Variants in DCC observed in about 807,000 individuals in gnomAD.
The protein encoded by DCC is DCC netrin 1 receptor, also known as netrin receptor DCC.
In DCC, 58 loss-of-function variants were observed where a neutral mutation model predicts 172.5. The observed-to-expected ratio is 0.34, with a 90% CI of 0.27 to 0.42. The LOEUF (loss-of-function observed/expected upper bound fraction) is 0.42. Among genes scored for constraint, DCC ranks in the 10% least tolerant of loss-of-function variants. The pLI is 1.00. For missense variants in DCC, 1,740 were observed against 1,791.0 expected, an observed-to-expected ratio of 0.97 and a Z score of 0.51; for synonymous variants, 709 against 644.5, an observed-to-expected ratio of 1.10 and a Z score of -1.52.
At chr18:52,989,895 T>A (rs929837673) in intron 5 of DCC, among the ~76,000 whole-genome samples, 3 of 152,176 alleles carry the variant, frequency 2.0e-5, no homozygotes, top group African/African-American at 7.2e-5. Context: ...AGTACCCACA[T>A]GTCCACTCAC....
intron 27 of DCC, among the ~76,000 whole-genome samples, chr18:53,512,433 C>T (rs1184984260): frequency 1.3e-5 from 2 of 151,656 alleles, no homozygotes; most frequent in East Asian, 3.9e-4. Flanking sequence ...CGCAGTTCCT[C>T]ACCAGCAACG....
chr18:52,611,071 A>G (rs181588833), intron 1 of DCC, among the ~76,000 whole-genome samples: 160 of 152,236 alleles, frequency 1.1e-3, no homozygotes, highest in African/African-American at 3.4e-3. Context: ...AGGTATGTTT[A>G]ATCAGTTATG....
intron 28 of DCC, among the ~76,000 whole-genome samples, chr18:53,527,427 C>A (rs1371994154): frequency 6.6e-6 from 1 of 151,390 alleles, no homozygotes; most frequent in Non-Finnish European, 1.5e-5. Context: ...TGACAAAAAG[C>A]TATATTATGA....
intron 2 of DCC, among the ~76,000 whole-genome samples, chr18:52,905,481 T>C (rs2039868031): frequency 6.6e-6 from 1 of 152,192 alleles, no homozygotes; most frequent in Non-Finnish European, 1.5e-5. Flanking sequence ...GATGAACATT[T>C]ACCTTAAGCA....
At chr18:52,889,360 G>C (rs949893023) in intron 2 of DCC, among the ~76,000 whole-genome samples, 3 of 152,078 alleles carry the variant, frequency 2.0e-5, no homozygotes, top group African/African-American at 7.2e-5. Context: ...ACAGAAAGAA[G>C]TAACGAATGA....
At chr18:53,146,005 G>T (rs554590669) in intron 7 of DCC, among the ~76,000 whole-genome samples, 1 of 152,132 alleles carries the variant, frequency 6.6e-6, no homozygotes, top group African/African-American at 2.4e-5. Flanking sequence ...AGGCTGAGAT[G>T]GGTGGGTCAC....
intron 1 of DCC, among the ~76,000 whole-genome samples, chr18:52,572,749 G>A (rs1374922167): frequency 6.6e-6 from 1 of 152,166 alleles, no homozygotes; most frequent in Admixed American, 6.5e-5. Flanking sequence ...GGAAGAACAG[G>A]CTCTCTTCCT....
intron 13 of DCC, among the ~76,000 whole-genome samples, chr18:53,308,647 A>G (rs1028934340): frequency 3.3e-5 from 5 of 152,176 alleles, no homozygotes; most frequent in African/African-American, 9.7e-5. Flanking sequence ...AAGTTAACAC[A>G]TTCAGTTAGT....
At chr18:52,882,508 A>G (rs184427696) in intron 2 of DCC, among the ~76,000 whole-genome samples, 14 of 150,914 alleles carry the variant, frequency 9.3e-5, no homozygotes, top group African/African-American at 3.2e-4. Context: ...GTTTCAACAA[A>G]TTTTTCAATT....
chr18:52,603,677 A>G (rs936934024), intron 1 of DCC, among the ~76,000 whole-genome samples: 3 of 151,988 alleles, frequency 2.0e-5, no homozygotes, highest in South Asian at 4.2e-4. Context: ...TGTCACAGAA[A>G]TCTACAGTTA....
chr18:52,800,184 A>G (rs977860876), intron 2 of DCC, among the ~76,000 whole-genome samples: 2 of 152,340 alleles, frequency 1.3e-5, no homozygotes, highest in Non-Finnish European at 2.9e-5. Context: ...GTCCTACTCA[A>G]TAAGTACCTT....
intron 12 of DCC, chr18:53,237,077 C>T (rs931603487): frequency 1.3e-5 from 2 of 151,794 alleles, no homozygotes; most frequent in African/African-American, 4.8e-5. Context: ...AACCGTTACT[C>T]TCCACAAATA....
chr18:53,229,821 G>A (rs2144612831), intron 12 of DCC, among the ~76,000 whole-genome samples: 1 of 152,200 alleles, frequency 6.6e-6, no homozygotes, highest in South Asian at 2.1e-4. Context: ...TATTGTGGCT[G>A]TGAACATGCA....
intron 2 of DCC, among the ~76,000 whole-genome samples, chr18:52,794,383 T>C (rs2037832910): frequency 6.6e-6 from 1 of 152,058 alleles, no homozygotes; most frequent in Non-Finnish European, 1.5e-5. Flanking sequence ...TTGGTTAAAT[T>C]TATTACTAGG....
intron 12 of DCC, among the ~76,000 whole-genome samples, chr18:53,243,608 G>T (rs751929492): frequency 2.0e-5 from 3 of 152,236 alleles, no homozygotes; most frequent in South Asian, 2.1e-4. Flanking sequence ...CTGGGAAGAA[G>T]AATAATTTGC....
At chr18:52,610,676 C>A (rs1405556427) in intron 1 of DCC, among the ~76,000 whole-genome samples, 2 of 152,032 alleles carry the variant, frequency 1.3e-5, no homozygotes, top group South Asian at 4.2e-4. Context: ...GTGAGTCATG[C>A]CGCTTTGGTG....
At chr18:53,300,992 T>TCTTTCTTTCTTTCTTTCTTTCTTTCTTTC (rs66526310) in intron 12 of DCC, among the ~76,000 whole-genome samples, 2 of 109,846 alleles carry the variant, frequency 1.8e-5, no homozygotes, top group African/African-American at 6.0e-5. Flanking sequence ...TTTCTTTCTT[T>TCTTTCTTTCTTTCTTTCTTTCTTTCTTTC]TTTTTTCTTT....
chr18:52,356,929 C>T (rs903779146), intron 1 of DCC, among the ~76,000 whole-genome samples: 1 of 152,068 alleles, frequency 6.6e-6, no homozygotes, highest in African/African-American at 2.4e-5. Context: ...ATTACAGGTG[C>T]CTACCACCAC....
intron 1 of DCC, among the ~76,000 whole-genome samples, chr18:52,433,974 T>A (rs1987707874): frequency 6.6e-6 from 1 of 152,108 alleles, no homozygotes; most frequent in Admixed American, 6.6e-5. Context: ...CACATGTAGG[T>A]CCAAGGGAAA....
Sources: gnomAD v4.1 joint callset for allele counts (sites outside exome capture counted in the v4.1 genomes callset) on GRCh38, gnomAD v4.1.1 for gene constraint, MANE v1.5 for transcripts, NCBI Gene and HGNC (gene_info 2026-07-23, HGNC 2026-07-21) for gene names.